The following MPZL1 variants were observed in gnomAD, a reference collection of about 807,000 sequenced individuals.
The protein encoded by MPZL1 is myelin protein zero like 1.
A neutral mutation model predicts 29.3 loss-of-function variants in MPZL1; 16 were observed. That is an observed-to-expected ratio of 0.55 (90% CI 0.37 to 0.83). The LOEUF (loss-of-function observed/expected upper bound fraction) is 0.83, where lower values mean the gene tolerates loss of function less well. Ranked by LOEUF, MPZL1 falls within the 40% of genes least tolerant of loss-of-function variation. MPZL1 has a pLI of 0.00. For synonymous variants in MPZL1, 143 were observed against 132.0 expected, an observed-to-expected ratio of 1.08 and a Z score of -0.57; for missense variants, 279 against 332.9, an observed-to-expected ratio of 0.84 and a Z score of 1.26.
At chr1:167,768,529 T>C (rs1395611638) in intron 2 of MPZL1, among the ~76,000 whole-genome samples, 1 of 152,210 alleles carries the variant, frequency 6.6e-6, no homozygotes, top group Non-Finnish European at 1.5e-5. Flanking sequence ...GTCTTACATC[T>C]TTAGTATACC....
chr1:167,747,125 C>CA (rs1266072754), intron 1 of MPZL1, among the ~76,000 whole-genome samples: 1 of 152,216 alleles, frequency 6.6e-6, no homozygotes, highest in East Asian at 1.9e-4. Context: ...TTTTAACACT[C>CA]ATTACCATTT....
chr1:167,764,288 A>G (rs948773896), intron 1 of MPZL1, among the ~76,000 whole-genome samples: 4 of 152,232 alleles, frequency 2.6e-5, no homozygotes, highest in Admixed American at 6.5e-5. Context: ...TTTAACAGCA[A>G]TCCTTAACAA....
chr1:167,764,949 A>T (rs1661079861), intron 1 of MPZL1: 1 of 152,236 alleles, frequency 6.6e-6, no homozygotes, highest in African/African-American at 2.4e-5. Flanking sequence ...ACCTATAGAG[A>T]CAGTATAAGG....
At chr1:167,735,518 T>C (rs1209665855) in intron 1 of MPZL1, among the ~76,000 whole-genome samples, 1 of 152,144 alleles carries the variant, frequency 6.6e-6, no homozygotes. Context: ...GCACTCTCTT[T>C]TTCTTTATAT....
At chr1:167,755,032 A>G (rs1342472093) in intron 1 of MPZL1, among the ~76,000 whole-genome samples, 1 of 152,182 alleles carries the variant, frequency 6.6e-6, no homozygotes, top group Non-Finnish European at 1.5e-5. Flanking sequence ...TTATCACCCA[A>G]AGACCATTAT....
intron 1 of MPZL1, among the ~76,000 whole-genome samples, chr1:167,729,602 G>GCAAATATT: frequency 6.6e-6 from 1 of 152,286 alleles, no homozygotes; most frequent in East Asian, 1.9e-4. Context: ...TAAGAGAAAT[G>GCAAATATT]TGGTAAAATG....
intron 1 of MPZL1, among the ~76,000 whole-genome samples, chr1:167,752,965 G>A (rs982731658): frequency 1.3e-5 from 2 of 152,220 alleles, no homozygotes; most frequent in African/African-American, 4.8e-5. Context: ...GCCAAGTAAG[G>A]TGTAGTTCCA....
chr1:167,768,071 C>T (rs1297025846), intron 2 of MPZL1, among the ~76,000 whole-genome samples: 2 of 152,010 alleles, frequency 1.3e-5, no homozygotes, highest in Non-Finnish European at 2.9e-5. Context: ...GCAGTAGCCC[C>T]TTGTTATTCT....
chr1:167,731,460 G>GA (rs1660269256), intron 1 of MPZL1, among the ~76,000 whole-genome samples: 1 of 138,400 alleles, frequency 7.2e-6, no homozygotes, highest in Non-Finnish European at 1.5e-5. Context: ...TTTTTGAGAC[G>GA]GAGTCTTGCT....
chr1:167,739,314 T>C (rs1369901138), intron 1 of MPZL1, among the ~76,000 whole-genome samples: 5 of 135,040 alleles, frequency 3.7e-5, no homozygotes, highest in Non-Finnish European at 6.2e-5. Context: ...TATATACACA[T>C]ATATATATTT....
intron 2 of MPZL1, among the ~76,000 whole-genome samples, chr1:167,771,585 G>A (rs1043364801): frequency 1.4e-4 from 21 of 152,178 alleles, no homozygotes; most frequent in South Asian, 6.2e-4. Flanking sequence ...AGGCAGAGGC[G>A]CTCCTCACTT....
At chr1:167,723,875 G>A (rs1253747142) in intron 1 of MPZL1, among the ~76,000 whole-genome samples, 2 of 152,162 alleles carry the variant, frequency 1.3e-5, no homozygotes, top group East Asian at 3.8e-4. Context: ...GCACATAAGA[G>A]TTTATCTTTT....
chr1:167,765,815 T>C, intron 2 of MPZL1, 66 bp downstream of exon 2: 5 of 1,396,180 alleles, frequency 3.6e-6, no homozygotes, highest in Non-Finnish European at 4.8e-6. Flanking sequence ...GTATAATTGG[T>C]GATCCATTTT....
At chr1:167,734,366 G>A (rs1175823179) in intron 1 of MPZL1, among the ~76,000 whole-genome samples, 1 of 152,102 alleles carries the variant, frequency 6.6e-6, no homozygotes, top group African/African-American at 2.4e-5. Flanking sequence ...CATTTACTGA[G>A]GGCCACATTT....
At chr1:167,728,135 G>A (rs187256221) in intron 1 of MPZL1, among the ~76,000 whole-genome samples, 3 of 149,182 alleles carry the variant, frequency 2.0e-5, no homozygotes, top group Admixed American at 6.7e-5. Context: ...TTCCTCCCAC[G>A]TTCAAGCGAT....
chr1:167,777,139 AAT>A (rs1181771161), intron 5 of MPZL1, among the ~76,000 whole-genome samples: 1 of 152,158 alleles, frequency 6.6e-6, no homozygotes, highest in Non-Finnish European at 1.5e-5. Context: ...CACATTACAT[AAT>A]ATATGTCAGA....
At chr1:167,732,279 C>A (rs1423902941) in intron 1 of MPZL1, among the ~76,000 whole-genome samples, 1 of 152,110 alleles carries the variant, frequency 6.6e-6, no homozygotes, top group Admixed American at 6.5e-5. Context: ...AAAATATTGC[C>A]TGGGCAACAT....
intron 1 of MPZL1, among the ~76,000 whole-genome samples, chr1:167,742,224 C>T (rs1331450626): frequency 2.7e-5 from 4 of 147,152 alleles, no homozygotes; most frequent in South Asian, 2.2e-4. Flanking sequence ...ACCTGGGAGG[C>T]GGAGGTTGCA....
intron 1 of MPZL1, among the ~76,000 whole-genome samples, chr1:167,740,993 C>T (rs1660507582): frequency 6.6e-6 from 1 of 152,150 alleles, no homozygotes; most frequent in African/African-American, 2.4e-5. Context: ...GGCTGCAGTA[C>T]ACAGCACCAG....
Sources: allele counts gnomAD v4.1 joint callset (sites outside exome capture counted in the v4.1 genomes callset), GRCh38; gene constraint gnomAD v4.1.1; transcripts MANE v1.5; gene names NCBI Gene and HGNC (gene_info 2026-07-23, HGNC 2026-07-21).